SLC12A6: variants seen among roughly 807,000 people sequenced by gnomAD.
The protein encoded by SLC12A6 is K-Cl cotransporter 3.
Under a neutral mutation model 135.3 loss-of-function variants are expected in SLC12A6, and 66 were observed. That is an observed-to-expected ratio of 0.49 (90% confidence interval 0.40 to 0.60). The LOEUF (loss-of-function observed/expected upper bound fraction) is 0.60, where lower values mean the gene tolerates loss of function less well. Among genes scored for constraint, SLC12A6 ranks in the 20% least tolerant of loss-of-function variants. The pLI, the probability that SLC12A6 is intolerant of heterozygous loss-of-function variation, is 0.00. For synonymous variants in SLC12A6, 513 were observed against 508.8 expected, an observed-to-expected ratio of 1.01 and a Z score of -0.11; for missense variants, 1,058 against 1,452.3, an observed-to-expected ratio of 0.73 and a Z score of 4.41.
intron 2 of SLC12A6, among the ~76,000 whole-genome samples, chr15:34,318,298 G>T (rs1035069847): frequency 3.9e-5 from 6 of 152,120 alleles, no homozygotes; most frequent in African/African-American, 1.4e-4. Context: ...CTTTTTGCTT[G>T]AAAACTCTTC....
At chr15:34,272,857 T>A (rs552571032) in intron 3 of SLC12A6, among the ~76,000 whole-genome samples, 2 of 152,220 alleles carry the variant, frequency 1.3e-5, no homozygotes, top group Non-Finnish European at 2.9e-5. Flanking sequence ...GTGTTCCTGA[T>A]AATGAACTAT....
chr15:34,304,316 A>G (rs1896455237), intron 2 of SLC12A6, among the ~76,000 whole-genome samples: 1 of 152,174 alleles, frequency 6.6e-6, no homozygotes, highest in Admixed American at 6.5e-5. Context: ...TTCATTTGTC[A>G]GCTGGAGGAC....
chr15:34,296,795 ATC>A (rs1895904272), intron 2 of SLC12A6, among the ~76,000 whole-genome samples: 1 of 152,214 alleles, frequency 6.6e-6, no homozygotes, highest in South Asian at 2.1e-4. Context: ...TGGTTATGGA[ATC>A]CAACAGAGAG....
chr15:34,321,147 C>T (rs1184881693), intron 2 of SLC12A6, among the ~76,000 whole-genome samples: 1 of 152,110 alleles, frequency 6.6e-6, no homozygotes, highest in Non-Finnish European at 1.5e-5. Context: ...ACCTCTAATG[C>T]CCTGAGGTAG....
In SLC12A6 at chr15:34,301,732, GTAA is replaced by G. The variant is rs565156570; in HGVS notation, c.272-26346_272-26344del. ...AGGCTGGGCGTGGTGGCTCACGCCTGTAATCCCAGTGCTTTGGGAGGCCAAGGT... is the reference window on the plus strand; with the variant it reads ...AGGCTGGGCGTGGTGGCTCACGCCTGTCCCAGTGCTTTGGGAGGCCAAGGT... On this transcript the variant is annotated intron_variant, in intron 2 of 25. Transcript: ENST00000354181. Among the ~76,000 whole-genome samples, 541 of 149,804 alleles carry G rather than the reference GTAA, an allele frequency of 3.6e-3. 4 individuals are homozygous for G. Among genetic ancestry groups the G allele is most frequent in the African/African-American group, 0.012 (518 of 41,524 alleles).
Position 34,255,675 on chromosome 15 carries a change from A to G in SLC12A6, c.746-283T>C, listed in dbSNP as rs545305278. Among the ~76,000 whole-genome samples the G allele has an allele frequency of 1.9e-4, 29 of 152,274 alleles. No homozygotes were observed. The South Asian group carries it at 4.6e-3, about 24-fold the overall frequency. ...ATTTACTATGACATGAGACAGCCCA[A>G]TAAAATATATTCTGGCTGGGTGTGG... On this transcript the variant is annotated intron_variant, in intron 7 of 25. Transcript: ENST00000354181.
Position 34,244,065 on chromosome 15 carries a change from G to GA in SLC12A6, c.1950dup (p.Leu651SerfsTer68). 1 of 1,549,602 alleles carries GA rather than the reference G, an allele frequency of 6.5e-7. No homozygotes were observed. Among genetic ancestry groups the GA allele is most frequent in the Non-Finnish European group, 8.9e-7 (1 of 1,121,120 alleles). Reference sequence around the variant, plus strand: ...AAGTTTACAAAGAGGTAACACATGAGAAAAAACCTGAAGAATAAAGAGTAA... The same window carrying GA: ...AAGTTTACAAAGAGGTAACACATGAGAAAAAAACCTGAAGAATAAAGAGTAA... On this transcript the variant is annotated frameshift_variant, in exon 16 of 26. Transcript: ENST00000354181. LOFTEE classifies it high-confidence loss of function.
At chr15:34,315,760 C>T (rs1595560414) in intron 2 of SLC12A6, among the ~76,000 whole-genome samples, 1 of 151,884 alleles carries the variant, frequency 6.6e-6, no homozygotes, top group African/African-American at 2.4e-5. Context: ...CTGAGGCGGG[C>T]GGATCACGAA....
Position 34,232,263 on chromosome 15 carries a change from T to C in SLC12A6, c.*1618A>G, listed in dbSNP as rs375358575. 7 of 152,344 alleles carry C rather than the reference T, an allele frequency of 4.6e-5. No homozygotes were observed. The highest frequency in any genetic ancestry group is 1.4e-4 in the African/African-American group (6 of 41,578). 9.4% of individuals were successfully genotyped at this position (152,344 alleles called of 1,614,324 possible). A position where few individuals can be genotyped will look rare whatever the true frequency, so the allele number is the denominator to read the frequency against. On this transcript the variant is annotated 3_prime_UTR_variant, in exon 26 of 26. Transcript: ENST00000354181. ...ACTTTCTTTTTGAAACATATCACTC[T>C]GTTACCCAGGCTGGAGTGCAGAGGT...
intron 2 of SLC12A6, among the ~76,000 whole-genome samples, chr15:34,283,920 T>A (rs1025700233): frequency 6.6e-6 from 1 of 152,032 alleles, no homozygotes; most frequent in African/African-American, 2.4e-5. Context: ...GCCAGTTTTT[T>A]GATTTTTTTT....
chr15:34,233,942 C>A lies in SLC12A6; in HGVS notation c.3392G>T (p.Gly1131Val). 6.2e-7 allele frequency: 1 copy of A among 1,605,322 alleles called. No individual in the cohort carries two copies. Among genetic ancestry groups the A allele is most frequent in the Non-Finnish European group, 8.5e-7 (1 of 1,171,992 alleles). The change falls in exon 26 of 26, where the codon GGA (glycine) becomes GTA (valine). Residue 1131 changes from glycine to valine, a missense_variant. Transcript: ENST00000354181. ...YMEFLEVLTEGLERVLLVRGG... is the reference protein window; with the variant it reads ...YMEFLEVLTEVLERVLLVRGG... Reference sequence around the variant, plus strand: ...CCGGACAAGTAGGACTCGCTCTAGTCCCTCGGTAAGCACCTCTAGGAACTC... The same window carrying A: ...CCGGACAAGTAGGACTCGCTCTAGTACCTCGGTAAGCACCTCTAGGAACTC...
chr15:34,307,191 T>C (rs1234196532), intron 2 of SLC12A6, among the ~76,000 whole-genome samples: 1 of 152,160 alleles, frequency 6.6e-6, no homozygotes, highest in African/African-American at 2.4e-5. Context: ...AAAATACCGA[T>C]GGGGAAAAAC....
chr15:34,289,773 G>A (rs1895383962), intron 2 of SLC12A6, among the ~76,000 whole-genome samples: 2 of 152,122 alleles, frequency 1.3e-5, no homozygotes, highest in South Asian at 4.1e-4. Flanking sequence ...ACATAGAGGT[G>A]TTTATAGTAT....
At chr15:34,330,217 T>A (rs73374475) in intron 2 of SLC12A6, among the ~76,000 whole-genome samples, 26,333 of 152,086 alleles carry the variant, frequency 0.17, 2,665 homozygotes, top group East Asian at 0.33. Context: ...TCTCTTCCCA[T>A]CACTCCTCCT....
At chr15:34,254,694 G>T in intron 8 of SLC12A6, 105 bp from the exon 9 acceptor site, 1 of 869,300 alleles carries the variant, frequency 1.2e-6, no homozygotes, top group Non-Finnish European at 1.9e-6. Context: ...AAAGCTGAGA[G>T]AGAAAATGAC....
At chr15:34,282,898 T>A (rs1040970257) in intron 2 of SLC12A6, among the ~76,000 whole-genome samples, 7 of 152,262 alleles carry the variant, frequency 4.6e-5, no homozygotes, top group African/African-American at 1.4e-4. Flanking sequence ...GTGCCTCAGA[T>A]GGCTACTATA....
intron 3 of SLC12A6, among the ~76,000 whole-genome samples, chr15:34,267,851 G>C (rs559220239): frequency 1.3e-5 from 2 of 151,914 alleles, no homozygotes; most frequent in Non-Finnish European, 1.5e-5. Flanking sequence ...GATGTATCTA[G>C]GTGTAGTTCT....
intron 2 of SLC12A6, among the ~76,000 whole-genome samples, chr15:34,329,119 C>T (rs1889668683): frequency 1.3e-5 from 2 of 152,208 alleles, no homozygotes; most frequent in South Asian, 4.1e-4. Context: ...ACTCATGTAA[C>T]TTCATTATTC....
At chr15:34,329,943 G>A (rs922117470) in intron 2 of SLC12A6, among the ~76,000 whole-genome samples, 3 of 152,116 alleles carry the variant, frequency 2.0e-5, no homozygotes, top group Non-Finnish European at 2.9e-5. Flanking sequence ...GGAGTGGGGA[G>A]GAAGGAGCTG....
Sources: gnomAD v4.1 joint callset for allele counts (sites outside exome capture counted in the v4.1 genomes callset) on GRCh38, gnomAD v4.1.1 for gene constraint, MANE v1.5 for transcripts, NCBI Gene and HGNC (gene_info 2026-07-23, HGNC 2026-07-21) for gene names.